The following MYH11 variants were observed in gnomAD, a reference collection of about 807,000 sequenced individuals.
MYH11 encodes the protein myosin heavy chain 11.
Under a neutral mutation model 246.6 loss-of-function variants are expected in MYH11, and 80 were observed. The ratio of observed to expected loss-of-function variants is 0.32; its 90% CI spans 0.27 to 0.39. The LOEUF (loss-of-function observed/expected upper bound fraction) is 0.39. Ranked by LOEUF, MYH11 falls within the 10% of genes least tolerant of loss-of-function variation. The pLI is 1.00. For missense variants in MYH11, 2,158 were observed against 2,546.8 expected (o/e 0.85, Z 3.29); for synonymous variants, 1,071 against 1,015.5 (o/e 1.05, Z -1.04).
chr16:15,811,957 G>A (rs1407460041), intron 3 of MYH11, among the ~76,000 whole-genome samples: 2 of 152,144 alleles, frequency 1.3e-5, no homozygotes. Flanking sequence ...CTACACCCCA[G>A]GGACCCATGG....
In MYH11 at chr16:15,732,661, T is replaced by C. The variant is rs1354548720; in HGVS notation, c.3554A>G (p.Glu1185Gly). 4 of 1,614,142 alleles carry C rather than the reference T, an allele frequency of 2.5e-6. No homozygotes were observed. The highest frequency in any genetic ancestry group is 3.4e-6 in the Non-Finnish European group (4 of 1,180,060). The change falls in exon 27 of 41, where the codon GAA (glutamate) becomes GGA (glycine). Residue 1185 changes from glutamate to glycine, a missense_variant. Around this residue, in one of 11 missense-constraint regions of MYH11, gnomAD observed 34 missense variants for 70.4 expected, o/e 0.48. Coordinates refer to ENST00000300036, the MANE Select transcript of MYH11 (RefSeq NM_002474.3). ...EVTVLKKALD[E>G]ETRSHEAQVQ... is the part of the protein sequence containing the mutation. ...CTGAGCCTCATGGGACCGCGTCTCT[T>C]CATCCAGGGCCTTCTTCAGCACCGT...
chr16:15,837,943 T>C lies in MYH11; in HGVS notation c.310A>G (p.Asn104Asp). ...TCLNEASVLH[N>D]LRERYFSGLI... ...CCTGAGAAGTACCGCTCCCTCAGGTTGTGTAGCACGGAGGCTTCGTTGAGG... is the reference window on the plus strand; with the variant it reads ...CCTGAGAAGTACCGCTCCCTCAGGTCGTGTAGCACGGAGGCTTCGTTGAGG... The change falls in exon 2 of 41, where the codon AAC becomes GAC. Residue 104 changes from asparagine (N) to aspartate (D), a missense_variant. Coordinates refer to ENST00000300036, the MANE Select transcript of MYH11 (RefSeq NM_002474.3). The C allele has an allele frequency of 6.2e-7, 1 of 1,614,126 alleles. No individual in the cohort carries two copies. Among genetic ancestry groups the C allele is most frequent in the South Asian group, 1.1e-5 (1 of 91,088 alleles).
At position 15,826,142 on chromosome 16, in the gene MYH11, GTTCATTCATTCA is replaced by G. The variant is rs112786889; in HGVS notation, c.346-2743_346-2732del. ...CAGAAACAGAAACTACTGATCGTTC[GTTCATTCATTCA>G]TTCATTCATTCATTCATTCATTCAT... On this transcript the variant is annotated intron_variant, in intron 2 of 40. Transcript: ENST00000300036. Among the ~76,000 whole-genome samples the G allele has an allele frequency of 2.4e-4, 36 of 151,032 alleles. No homozygotes were observed. In the East Asian group the frequency reaches 4.1e-3, roughly 17 times the overall value.
chr16:15,825,106 C>T (rs1334862110), intron 2 of MYH11, among the ~76,000 whole-genome samples: 1 of 152,100 alleles, frequency 6.6e-6, no homozygotes, highest in African/African-American at 2.4e-5. Context: ...CACGAAAAGT[C>T]ACGTACTCTA....
At chr16:15,739,667 T>C (rs908705396) in intron 23 of MYH11, among the ~76,000 whole-genome samples, 24 of 152,164 alleles carry the variant, frequency 1.6e-4, no homozygotes, top group African/African-American at 5.8e-4. Context: ...TTTTCTGCTT[T>C]GAGAACTGAA....
At chr16:15,716,934 T>C (rs1245683274) in intron 38 of MYH11, among the ~76,000 whole-genome samples, 1 of 152,222 alleles carries the variant, frequency 6.6e-6, no homozygotes, top group African/African-American at 2.4e-5. Flanking sequence ...CAGCTCACAC[T>C]TTAGGTGCTT....
At chr16:15,846,799 C>T (rs1355581719) in intron 1 of MYH11, among the ~76,000 whole-genome samples, 2 of 152,154 alleles carry the variant, frequency 1.3e-5, no homozygotes, top group African/African-American at 4.8e-5. Flanking sequence ...AGCAAACATA[C>T]AAAAATTAAC....
At chr16:15,754,832 G>C (rs901256739) in intron 14 of MYH11, among the ~76,000 whole-genome samples, 3 of 152,148 alleles carry the variant, frequency 2.0e-5, no homozygotes, top group Admixed American at 6.6e-5. Context: ...CTCACAGCTG[G>C]CTAATTTTTA....
rs572601739 is a variant in MYH11 at position 15,821,141 on chromosome 16, G to A, written c.502+2114C>T. ...CCCATCTGGGCTTCCCAAAGTGCCAGGATTACAGGCGTGAGCCACTGTGCC... is the reference window on the plus strand; with the variant it reads ...CCCATCTGGGCTTCCCAAAGTGCCAAGATTACAGGCGTGAGCCACTGTGCC... On this transcript the variant is annotated intron_variant, in intron 3 of 40. Coordinates refer to ENST00000300036, the MANE Select transcript of MYH11 (RefSeq NM_002474.3). Among the ~76,000 whole-genome samples, 4 of 152,322 alleles carry A rather than the reference G, an allele frequency of 2.6e-5. No homozygotes were observed. In the South Asian group the frequency reaches 8.3e-4, roughly 32 times the overall value.
chr16:15,730,406 G>A (rs916334413), intron 27 of MYH11, among the ~76,000 whole-genome samples: 5 of 151,710 alleles, frequency 3.3e-5, no homozygotes, highest in African/African-American at 1.2e-4. Flanking sequence ...GCCGGGCATG[G>A]TGGTGTGTGC....
chr16:15,800,390 AGATG>A (rs1826895927), intron 3 of MYH11, among the ~76,000 whole-genome samples: 1 of 151,546 alleles, frequency 6.6e-6, no homozygotes, highest in South Asian at 2.1e-4. Flanking sequence ...GTGGACGAAT[AGATG>A]GATGGAAAGA....
rs115270985 is a variant in MYH11, at chr16:15,814,105, T to G, written c.502+9150A>C. Among the ~76,000 whole-genome samples the G allele has an allele frequency of 9.5e-4, 143 of 150,190 alleles. 1 individual carries two copies. The highest frequency in any genetic ancestry group is 3.5e-3 in the African/African-American group (142 of 40,730). The stretch of plus-strand genomic sequence containing the variant: ...GCTGCAGTGAGCAGAGATCGTGCAC[T>G]CCAGCTTGCGCGACAAGAGGGAAAC... On this transcript the variant is annotated intron_variant, in intron 3 of 40. Transcript: ENST00000300036.
chr16:15,851,713 G>A (rs1404098320), intron 1 of MYH11, among the ~76,000 whole-genome samples: 1 of 151,984 alleles, frequency 6.6e-6, no homozygotes, highest in Non-Finnish European at 1.5e-5. Context: ...CATTCTTATT[G>A]CCTTGTGACA....
chr16:15,838,385 A>C, intron 1 of MYH11, 116 bp from the exon 2 acceptor site: 1 of 789,350 alleles, frequency 1.3e-6, no homozygotes, highest in Non-Finnish European at 2.2e-6. Context: ...CACCAAGTAC[A>C]AAGACCTGCA....
At position 15,715,145 on chromosome 16, in the gene MYH11, G is replaced by C. The variant is rs773260950; in HGVS notation, c.5613+19C>G. 1.2e-6 allele frequency: 2 copies of C among 1,612,930 alleles called. No homozygotes were observed. On this transcript the variant is annotated intron_variant, in intron 39 of 40. Coordinates refer to ENST00000300036, the MANE Select transcript of MYH11 (RefSeq NM_002474.3). The stretch of plus-strand genomic sequence containing the variant: ...GCTGGGGGCTGGGGGCTCGAGGGAG[G>C]CTGGGTGGCAGGGGCTACCTGCTCC...
chr16:15,855,790 G>A (rs3851703), intron 1 of MYH11, among the ~76,000 whole-genome samples: 29,206 of 152,080 alleles, frequency 0.19, 3,439 homozygotes, highest in East Asian at 0.43. Context: ...TAGTATCGTT[G>A]AGTAAATCAA....
intron 40 of MYH11, among the ~76,000 whole-genome samples, chr16:15,712,383 T>C (rs1033419165): frequency 1.3e-5 from 2 of 152,050 alleles, no homozygotes; most frequent in African/African-American, 4.8e-5. Context: ...CGTGCAGTGG[T>C]CCATGCCTGT....
intron 4 of MYH11, among the ~76,000 whole-genome samples, chr16:15,788,558 A>C (rs1228741282): frequency 6.6e-6 from 1 of 152,160 alleles, no homozygotes; most frequent in African/African-American, 2.4e-5. Flanking sequence ...AGAGAAAGAA[A>C]AAAAAAGTGC....
intron 2 of MYH11, among the ~76,000 whole-genome samples, chr16:15,836,719 C>CTTTTTTT (rs780997939): frequency 6.3e-5 from 6 of 95,118 alleles, no homozygotes; most frequent in Non-Finnish European, 1.1e-4. Context: ...TTTAATGTTT[C>CTTTTTTT]TTTTTTTTTT....
Sources: allele counts gnomAD v4.1 joint callset (sites outside exome capture counted in the v4.1 genomes callset), GRCh38; gene constraint gnomAD v4.1.1; regional missense constraint gnomAD v4.1.1; transcripts MANE v1.5; gene names NCBI Gene and HGNC (gene_info 2026-07-23, HGNC 2026-07-21).